The following LRRC4C variants were observed in gnomAD, a reference collection of about 807,000 sequenced individuals.
The protein encoded by LRRC4C is leucine-rich repeat-containing protein 4C.
LRRC4C carries 5 observed loss-of-function variants against 33.6 expected under a neutral mutation model. The ratio of observed to expected loss-of-function variants is 0.15; its 90% CI spans 0.08 to 0.31. The LOEUF (loss-of-function observed/expected upper bound fraction) is 0.31, where lower values mean the gene tolerates loss of function less well. Among genes scored for constraint, LRRC4C ranks in the 10% least tolerant of loss-of-function variants. LRRC4C has a pLI of 1.00. For synonymous variants in LRRC4C, 329 were observed against 302.0 expected (o/e 1.09, Z -0.93); for missense variants, 560 against 796.7 (o/e 0.70, Z 3.58).
At chr11:41,411,171 T>C (rs1255318943) in intron 1 of LRRC4C, among the ~76,000 whole-genome samples, 19 of 136,268 alleles carry the variant, frequency 1.4e-4, no homozygotes, top group African/African-American at 4.9e-4. Context: ...TTTTTTGAGA[T>C]GGAGTCTTGC....
At chr11:41,062,923 C>A (rs952264895) in intron 1 of LRRC4C, among the ~76,000 whole-genome samples, 1 of 151,956 alleles carries the variant, frequency 6.6e-6, no homozygotes, top group Non-Finnish European at 1.5e-5. Flanking sequence ...CTAGCAACCA[C>A]CAGAAATGAG....
chr11:40,856,640 TA>T (rs1272426796), intron 2 of LRRC4C, among the ~76,000 whole-genome samples: 6 of 152,246 alleles, frequency 3.9e-5, no homozygotes, highest in African/African-American at 1.4e-4. Context: ...AGAAGCAGCA[TA>T]TTTTTTTGCT....
chr11:40,249,412 A>G (rs975484873), intron 4 of LRRC4C, among the ~76,000 whole-genome samples: 1 of 152,072 alleles, frequency 6.6e-6, no homozygotes, highest in Non-Finnish European at 1.5e-5. Flanking sequence ...AACATACAGA[A>G]TTATAAAATT....
At position 40,144,223 on chromosome 11, in the gene LRRC4C, A is replaced by G. The variant is rs537390465; in HGVS notation, c.-95-3370T>C. On this transcript the variant is annotated intron_variant, in intron 5 of 6. Transcript: ENST00000528697. ...AAGCCTGGCATGTCATACATTCTCT[A>G]ATAATGGAAACGATAATTATCTGAG... Among the ~76,000 whole-genome samples the G allele has an allele frequency of 2.6e-5, 4 of 152,358 alleles. No homozygotes were observed. In the East Asian group the frequency reaches 5.8e-4, roughly 22 times the overall value.
At chr11:40,476,093 ATTGAGAATCAT>A (rs1159983687) in intron 3 of LRRC4C, among the ~76,000 whole-genome samples, 7 of 152,144 alleles carry the variant, frequency 4.6e-5, no homozygotes, top group African/African-American at 1.7e-4. Flanking sequence ...GCTGCCCATG[ATTGAGAATCAT>A]TTGGCTATAC....
chr11:40,759,676 G>A (rs781202744), intron 2 of LRRC4C, among the ~76,000 whole-genome samples: 4 of 151,854 alleles, frequency 2.6e-5, no homozygotes, highest in Non-Finnish European at 5.9e-5. Context: ...TCTGCTTCTT[G>A]TCCAAAGTAT....
chr11:41,332,639 A>T (rs1405184877), intron 1 of LRRC4C, among the ~76,000 whole-genome samples: 2 of 152,224 alleles, frequency 1.3e-5, no homozygotes, highest in Non-Finnish European at 2.9e-5. Context: ...TCTATTAATA[A>T]TTATATTTCA....
chr11:40,740,009 A>G (rs1238663077), intron 2 of LRRC4C, among the ~76,000 whole-genome samples: 2 of 151,842 alleles, frequency 1.3e-5, no homozygotes, highest in Non-Finnish European at 2.9e-5. Flanking sequence ...TTATACAAAT[A>G]TGGCATAATC....
At chr11:40,625,870 A>C (rs1962879600) in intron 3 of LRRC4C, among the ~76,000 whole-genome samples, 1 of 152,090 alleles carries the variant, frequency 6.6e-6, no homozygotes, top group African/African-American at 2.4e-5. Context: ...GATTACTTCA[A>C]TATTCTCCTG....
intron 4 of LRRC4C, among the ~76,000 whole-genome samples, chr11:40,258,423 T>A (rs2136233798): frequency 6.6e-6 from 1 of 152,316 alleles, no homozygotes; most frequent in African/African-American, 2.4e-5. Flanking sequence ...TAATTCTATG[T>A]ATATTGCACT....
At chr11:41,128,610 A>C (rs1414326477) in intron 1 of LRRC4C, among the ~76,000 whole-genome samples, 1 of 152,080 alleles carries the variant, frequency 6.6e-6, no homozygotes, top group Non-Finnish European at 1.5e-5. Context: ...AGATTGTTTA[A>C]TTCATTTGCC....
intron 5 of LRRC4C, among the ~76,000 whole-genome samples, chr11:40,219,595 T>C (rs1413340138): frequency 1.3e-5 from 2 of 152,162 alleles, no homozygotes; most frequent in Non-Finnish European, 2.9e-5. Flanking sequence ...ATGACAGGGA[T>C]GAATCTGGAG....
intron 4 of LRRC4C, among the ~76,000 whole-genome samples, chr11:40,311,646 A>G (rs1945310720): frequency 6.6e-6 from 1 of 152,098 alleles, no homozygotes; most frequent in Non-Finnish European, 1.5e-5. Flanking sequence ...AATGCACCAC[A>G]CTTAAAATGT....
chr11:40,577,184 A>G lies in LRRC4C; in HGVS notation c.-270+70958T>C, dbSNP rs72886960. ...GAGAAGGATATTTAGACGTTTAGAA[A>G]AAGAGCAACCCAAAATTAATACTTC... On this transcript the variant is annotated intron_variant, in intron 3 of 6. Coordinates refer to ENST00000528697, the MANE Select transcript of LRRC4C (RefSeq NM_001258419.2). Among the ~76,000 whole-genome samples the G allele has an allele frequency of 3.6e-3, 544 of 152,340 alleles. 2 individuals are homozygous for G. The highest frequency in any genetic ancestry group is 5.9e-3 in the Non-Finnish European group (403 of 68,032).
intron 1 of LRRC4C, among the ~76,000 whole-genome samples, chr11:41,053,009 CA>C (rs1167101255): frequency 6.6e-6 from 1 of 152,068 alleles, no homozygotes; most frequent in Non-Finnish European, 1.5e-5. Context: ...TTCTGAAAAT[CA>C]AGTAGCATGT....
chr11:40,455,204 T>C (rs1486807245), intron 3 of LRRC4C, among the ~76,000 whole-genome samples: 2 of 152,142 alleles, frequency 1.3e-5, no homozygotes, highest in African/African-American at 4.8e-5. Flanking sequence ...CTGAAGCCCA[T>C]ATTTAACAAC....
In LRRC4C at chr11:41,459,215, C is replaced by T. The variant is rs141348555; in HGVS notation, c.-496+216G>A. 3.2e-3 allele frequency among the ~76,000 whole-genome samples: 491 copies of T among 152,070 alleles called. 5 individuals carry two copies. Among genetic ancestry groups the T allele is most frequent in the African/African-American group, 0.011 (455 of 41,462 alleles). On this transcript the variant is annotated intron_variant, in intron 1 of 6. Coordinates refer to ENST00000528697, the MANE Select transcript of LRRC4C (RefSeq NM_001258419.2). ...AAATGTTAGATAAACAAGAGAGGTA[C>T]AAAAATGGTAAGAGGAATGGGGGGA... is the stretch of plus-strand genomic sequence containing the variant.
chr11:40,823,400 A>G lies in LRRC4C; in HGVS notation c.-407+110235T>C, dbSNP rs540819004. ...GAATGATTTCCAAGGGTGGGAGAAA[A>G]GTAAAAATAAATACATTAATTAATT... On this transcript the variant is annotated intron_variant, in intron 2 of 6. Transcript: ENST00000528697. Among the ~76,000 whole-genome samples the G allele has an allele frequency of 3.3e-5, 5 of 151,892 alleles. No individual in the cohort carries two copies. In the South Asian group the frequency reaches 6.2e-4, roughly 19 times the overall value.
intron 3 of LRRC4C, among the ~76,000 whole-genome samples, chr11:40,513,946 C>A (rs564971108): frequency 6.6e-6 from 1 of 152,240 alleles, no homozygotes; most frequent in African/African-American, 2.4e-5. Flanking sequence ...GACAAAGAGC[C>A]AACTGTCTCA....
Sources: gnomAD v4.1 joint callset for allele counts (sites outside exome capture counted in the v4.1 genomes callset) on GRCh38, gnomAD v4.1.1 for gene constraint, MANE v1.5 for transcripts, NCBI Gene and HGNC (gene_info 2026-07-23, HGNC 2026-07-21) for gene names.